BRD1: variants seen among roughly 807,000 people sequenced by gnomAD.
BRD1 encodes the protein bromodomain containing 1, also known as bromodomain-containing protein 1.
A neutral mutation model predicts 107.7 loss-of-function variants in BRD1; 24 were observed. The ratio of observed to expected loss-of-function variants is 0.22; its 90% confidence interval spans 0.16 to 0.31. The LOEUF is 0.31. Among genes scored for constraint, BRD1 ranks in the 10% least tolerant of loss-of-function variants. The pLI is 1.00. For missense variants in BRD1, 1,279 were observed against 1,638.6 expected, an observed-to-expected ratio of 0.78 and a Z score of 3.79; for synonymous variants, 744 against 686.1, an observed-to-expected ratio of 1.08 and a Z score of -1.32.
Position 49,824,257 on chromosome 22 carries a change from T to A in BRD1, c.61A>T (p.Ser21Cys). ...TCTCGCGTAGGGGAGTGTTTAACAC[T>A]GCATGGGGAAGAAGGATGCCTCGCT... ...SAARHPSSPC[S>C]VKHSPTRETL... The change falls in exon 2 of 13, where the codon AGT (serine) becomes TGT (cysteine). Residue 21 changes from serine (S) to cysteine (C), a missense_variant. Around this residue, in one of 7 missense-constraint regions of BRD1, gnomAD observed 223 missense variants for 263.5 expected, o/e 0.85. Coordinates refer to ENST00000404760, the MANE Select transcript of BRD1 (RefSeq NM_001304808.3). The surrounding 1 kb of genome is among the most constrained non-coding windows in gnomAD (Gnocchi z 5.9). The A allele has an allele frequency of 6.2e-7, 1 of 1,614,004 alleles. No individual in the cohort carries two copies. Among genetic ancestry groups the A allele is most frequent in the Non-Finnish European group, 8.5e-7 (1 of 1,180,004 alleles).
intron 8 of BRD1, among the ~76,000 whole-genome samples, chr22:49,784,380 C>T (rs145290414): frequency 9.9e-4 from 151 of 152,198 alleles, no homozygotes; most frequent in African/African-American, 3.4e-3. Flanking sequence ...TCCGCAACGG[C>T]GGCGAGTGGA....
At chr22:49,791,042 C>T (rs1366755956) in intron 7 of BRD1, among the ~76,000 whole-genome samples, 1 of 152,258 alleles carries the variant, frequency 6.6e-6, no homozygotes, top group South Asian at 2.1e-4. Context: ...TGACCTGCCT[C>T]ACCATGTCAG....
chr22:49,799,253 G>C (rs1365369127), intron 3 of BRD1, 134 bp from the exon 4 acceptor site: 2 of 1,163,518 alleles, frequency 1.7e-6, no homozygotes, highest in Middle Eastern at 2.2e-4. Flanking sequence ...GAGGACAACA[G>C]ACCACCCTCA....
intron 2 of BRD1, among the ~76,000 whole-genome samples, chr22:49,814,871 AAG>A (rs1235969402): frequency 3.9e-5 from 6 of 152,238 alleles, no homozygotes; most frequent in African/African-American, 1.2e-4. Context: ...GGTGAAAGTG[AAG>A]AGAGACAGAA....
In BRD1 at chr22:49,824,525, A is replaced by T; in HGVS notation, c.-14-194T>A. On this transcript the variant is annotated intron_variant, in intron 1 of 12. Coordinates refer to ENST00000404760, the MANE Select transcript of BRD1 (RefSeq NM_001304808.3). The surrounding 1 kb of genome is among the most constrained non-coding windows in gnomAD (Gnocchi z 5.9). ...AGCGAGTCCCCAGGACCAGGGAGGG[A>T]GCAGCAGTAACAGGCAGAGAGGCAG... 1 of 1,408,250 alleles carries T rather than the reference A, an allele frequency of 7.1e-7. No homozygotes were observed. The highest frequency in any genetic ancestry group is 2.9e-5 in the Admixed American group (1 of 34,052). 87.2% of individuals were successfully genotyped at this position (1,408,250 alleles called of 1,614,324 possible). A position where few individuals can be genotyped will look rare whatever the true frequency, so the allele number is the denominator to read the frequency against.
In BRD1 at chr22:49,781,600, C is replaced by T. The variant is rs564052421; in HGVS notation, c.2858-3787G>A. On this transcript the variant is annotated intron_variant, in intron 8 of 12. Coordinates refer to ENST00000404760, the MANE Select transcript of BRD1 (RefSeq NM_001304808.3). ...GCAACCCCACAACACGGGATACAAG[C>T]CCGCCCCTGCCCGCCCCTGCCGCTG... Among the ~76,000 whole-genome samples the T allele has an allele frequency of 2.6e-5, 4 of 151,472 alleles. No homozygotes were observed. In the South Asian group the frequency reaches 8.3e-4, roughly 31 times the overall value.
intron 11 of BRD1, 84 bp downstream of exon 11, chr22:49,775,966 G>C (rs550998465): frequency 6.0e-4 from 561 of 928,478 alleles, no homozygotes; most frequent in Non-Finnish European, 7.6e-4. Context: ...TTGGACCACC[G>C]CCGTGAGCCT....
intron 2 of BRD1, among the ~76,000 whole-genome samples, chr22:49,813,874 A>C (rs1203270953): frequency 6.6e-6 from 1 of 151,990 alleles, no homozygotes; most frequent in Non-Finnish European, 1.5e-5. Context: ...AAATACAGGG[A>C]GCAGCTTTAC....
At chr22:49,791,063 C>T (rs920368447) in intron 7 of BRD1, among the ~76,000 whole-genome samples, 2 of 152,274 alleles carry the variant, frequency 1.3e-5, no homozygotes, top group African/African-American at 2.4e-5. Flanking sequence ...CAGACACCAA[C>T]CTCAGCACAG....
At chr22:49,776,536 C>T (rs1335963150) in intron 10 of BRD1, among the ~76,000 whole-genome samples, 1 of 152,218 alleles carries the variant, frequency 6.6e-6, no homozygotes, top group Non-Finnish European at 1.5e-5. Flanking sequence ...AAAGTCCTGG[C>T]TCCCCCTCCG....
At position 49,824,877 on chromosome 22, in the gene BRD1, G is replaced by T; in HGVS notation, c.-14-546C>A. On this transcript the variant is annotated intron_variant, in intron 1 of 12. Coordinates refer to ENST00000404760, the MANE Select transcript of BRD1 (RefSeq NM_001304808.3). This position sits in a 1 kb window ranked among gnomAD's most constrained non-coding sequence, Gnocchi z 5.9. ...CTCCCATGAGCCCAGAGTCACCACA[G>T]TCCTTGCAGCATTCCTGCTGGGGCC... is the stretch of plus-strand genomic sequence containing the variant. 2.1e-6 allele frequency: 2 copies of T among 962,896 alleles called. No homozygotes were observed. Among genetic ancestry groups the T allele is most frequent in the Non-Finnish European group, 2.5e-6 (2 of 803,216 alleles). 59.6% of individuals were successfully genotyped at this position (962,896 alleles called of 1,614,324 possible).
chr22:49,791,317 G>A (rs1393177070), intron 7 of BRD1, among the ~76,000 whole-genome samples: 1 of 152,262 alleles, frequency 6.6e-6, no homozygotes, highest in Non-Finnish European at 1.5e-5. Flanking sequence ...CAGCCCAGGA[G>A]GCATCTCCTT....
intron 8 of BRD1, among the ~76,000 whole-genome samples, chr22:49,778,128 G>A (rs1218374508): frequency 1.3e-5 from 2 of 152,216 alleles, no homozygotes; most frequent in African/African-American, 4.8e-5. Flanking sequence ...AAAGGATGCC[G>A]TGAGCCTGCC....
Position 49,804,170 on chromosome 22 carries a change from C to T in BRD1, c.1524+34G>A, listed in dbSNP as rs776948196. 3.4e-5 allele frequency: 52 copies of T among 1,528,258 alleles called. No individual in the cohort carries two copies. In the South Asian group the frequency reaches 4.9e-4, roughly 14 times the overall value. 94.7% of individuals were successfully genotyped at this position (1,528,258 alleles called of 1,614,324 possible). On this transcript the variant is annotated intron_variant, in intron 3 of 12. Coordinates refer to ENST00000404760, the MANE Select transcript of BRD1 (RefSeq NM_001304808.3). ...CTCCCTGGAGGGTGGGGGTGAGAGA[C>T]GCAGAAAGGCTGTGGGGGCCACGAG...
At chr22:49,784,678 C>T (rs2059287958) in intron 8 of BRD1, among the ~76,000 whole-genome samples, 1 of 152,240 alleles carries the variant, frequency 6.6e-6, no homozygotes, top group Non-Finnish European at 1.5e-5. Flanking sequence ...TCAGAAGGTT[C>T]CGGATAATTC....
At chr22:49,788,676 G>A (rs1270761048) in intron 7 of BRD1, among the ~76,000 whole-genome samples, 2 of 152,192 alleles carry the variant, frequency 1.3e-5, no homozygotes, top group African/African-American at 4.8e-5. Flanking sequence ...AGTCCAGGGG[G>A]CCGGACAGGC....
intron 7 of BRD1, among the ~76,000 whole-genome samples, chr22:49,790,674 G>C (rs1002740160): frequency 6.6e-6 from 1 of 152,210 alleles, no homozygotes; most frequent in African/African-American, 2.4e-5. Flanking sequence ...AAATCACAGC[G>C]TAACACAGGC....
chr22:49,784,563 C>A (rs904946609), intron 8 of BRD1, among the ~76,000 whole-genome samples: 3 of 152,270 alleles, frequency 2.0e-5, no homozygotes, highest in African/African-American at 7.2e-5. Flanking sequence ...TGCGTCGCCT[C>A]AGGACCAGCG....
Position 49,774,514 on chromosome 22 carries a change from A to AAAGGGGCCCT in BRD1, c.3387-108_3387-99dup. 3 of 1,333,388 alleles carry AAAGGGGCCCT rather than the reference A, an allele frequency of 2.2e-6. No individual in the cohort carries two copies. In the East Asian group the frequency reaches 7.0e-5, roughly 31 times the overall value. The allele number at this position is 1,333,388 out of a possible 1,614,324, so 82.6% of individuals were successfully genotyped here. ...TAACAAATTCACTGCCCTCCGATAG[A>AAAGGGGCCCT]AAGGGGCCCTGCTCAGCACCACCAA... is the stretch of plus-strand genomic sequence containing the variant. On this transcript the variant is annotated intron_variant, in intron 12 of 12. Transcript: ENST00000404760.
Sources: gnomAD v4.1 joint callset for allele counts (sites outside exome capture counted in the v4.1 genomes callset) on GRCh38, gnomAD v4.1.1 for gene constraint, gnomAD v4.1.1 regional missense constraint, Gnocchi (gnomAD v3.1) non-coding constraint, MANE v1.5 for transcripts, NCBI Gene and HGNC (gene_info 2026-07-23, HGNC 2026-07-21) for gene names.